PAX7: variants seen among roughly 807,000 people sequenced by gnomAD.
PAX7 encodes paired box 7, also known as paired box protein Pax-7.
Under a neutral mutation model 50.7 loss-of-function variants are expected in PAX7, and 18 were observed. The ratio of observed to expected loss-of-function variants is 0.36; its 90% CI spans 0.25 to 0.53. The LOEUF is 0.53. PAX7 is among the 20% of genes least tolerant of loss of function. PAX7 has a pLI of 0.93. For synonymous variants in PAX7, 310 were observed against 290.4 expected (o/e 1.07, Z -0.69); for missense variants, 644 against 702.9 (o/e 0.92, Z 0.95).
chr1:18,714,081 C>T (rs1380133697), intron 7 of PAX7, among the ~76,000 whole-genome samples: 2 of 152,154 alleles, frequency 1.3e-5, no homozygotes, highest in East Asian at 1.9e-4. Flanking sequence ...CATGGTGGTG[C>T]GTGCCTGTAG....
At chr1:18,714,459 C>T (rs921182970) in intron 7 of PAX7, among the ~76,000 whole-genome samples, 2 of 152,190 alleles carry the variant, frequency 1.3e-5, no homozygotes, top group South Asian at 2.1e-4. Context: ...TGCTTCTCCT[C>T]GCCCTGAACA....
At chr1:18,742,807 C>T (rs1931221790) in intron 8 of PAX7, among the ~76,000 whole-genome samples, 2 of 152,360 alleles carry the variant, frequency 1.3e-5, no homozygotes, top group African/African-American at 4.8e-5. Flanking sequence ...AGGGCATTTG[C>T]ACATCCCTTG....
In PAX7 at chr1:18,631,236, C is replaced by T. The variant is rs957604658; in HGVS notation, c.-368C>T. On this transcript the variant is annotated 5_prime_UTR_variant, in exon 1 of 9. Coordinates refer to ENST00000420770, the MANE Select transcript of PAX7 (RefSeq NM_001135254.2). ...CTCGATTCCGGCCGCGTTCCCCCGG[C>T]CCCCCTCCGCCGCGGGGCCTGGTCT... 21 of 248,536 alleles carry T rather than the reference C, an allele frequency of 8.4e-5. No homozygotes were observed. The Admixed American group carries it at 8.7e-4, about 10-fold the overall frequency. The allele number at this position is 248,536 out of a possible 1,614,324, so 15.4% of individuals were successfully genotyped here.
At chr1:18,669,047 G>T (rs373350470) in intron 4 of PAX7, among the ~76,000 whole-genome samples, 4 of 152,258 alleles carry the variant, frequency 2.6e-5, no homozygotes, top group Admixed American at 6.5e-5. Context: ...GGGCCCAGGA[G>T]GATGTGCTAA....
intron 5 of PAX7, among the ~76,000 whole-genome samples, chr1:18,699,850 T>C (rs577689946): frequency 6.6e-6 from 1 of 152,242 alleles, no homozygotes; most frequent in African/African-American, 2.4e-5. Flanking sequence ...TGTGAGCCGC[T>C]GCGCCCGGCC....
At chr1:18,638,179 C>T (rs537905601) in intron 4 of PAX7, among the ~76,000 whole-genome samples, 25 of 152,252 alleles carry the variant, frequency 1.6e-4, no homozygotes, top group Admixed American at 3.3e-4. Flanking sequence ...TGTGTTTGCA[C>T]GCAGGGAGTA....
intron 5 of PAX7, among the ~76,000 whole-genome samples, chr1:18,698,825 C>T (rs909725249): frequency 2.6e-5 from 4 of 152,222 alleles, no homozygotes; most frequent in Admixed American, 1.3e-4. Flanking sequence ...AGGTGAAAGC[C>T]GGCAGCTCTT....
chr1:18,697,399 T>C lies in PAX7; in HGVS notation c.787-3254T>C, dbSNP rs574567218. 1.6e-3 allele frequency among the ~76,000 whole-genome samples: 239 copies of C among 152,278 alleles called. 1 individual carries two copies. Among genetic ancestry groups the C allele is most frequent in the African/African-American group, 5.6e-3 (234 of 41,558 alleles). On this transcript the variant is annotated intron_variant, in intron 5 of 8. Transcript: ENST00000420770. ...GGCAGAGACCCTTCCAGCTCAGCTA[T>C]CTCAGAGGGTCTCCAGCAGAATGAT...
chr1:18,651,036 G>A (rs1174891645), intron 4 of PAX7, among the ~76,000 whole-genome samples: 5 of 152,148 alleles, frequency 3.3e-5, no homozygotes, highest in Middle Eastern at 3.4e-3. Flanking sequence ...TTCAGTGCAC[G>A]GAAGGACCCC....
rs757456623 is a variant in PAX7 at position 18,634,288 on chromosome 1, C to G, written c.86-15C>G. ...CTGCACCTCTCTCCTTCTGCATCTC[C>G]CCTCCCTTCTCCAGTGTCCACCCCG... On this transcript the variant is annotated splice_polypyrimidine_tract_variant and intron_variant, in intron 1 of 8. Transcript: ENST00000420770. The surrounding 1 kb of genome is among the most constrained non-coding windows in gnomAD (Gnocchi z 4.0). The G allele has an allele frequency of 1.1e-4, 172 of 1,605,378 alleles. 2 individuals carry two copies. The South Asian group carries it at 1.9e-3, about 17-fold the overall frequency.
intron 6 of PAX7, among the ~76,000 whole-genome samples, chr1:18,701,294 T>C (rs555165191): frequency 6.6e-6 from 1 of 152,082 alleles, no homozygotes; most frequent in East Asian, 1.9e-4. Flanking sequence ...AGTGAGAGAG[T>C]GACATGAGTA....
rs1417622879 is a variant in PAX7 at position 18,747,566 on chromosome 1, T to A, written c.*2637T>A. On this transcript the variant is annotated 3_prime_UTR_variant, in exon 9 of 9. Transcript: ENST00000420770. ...GAATGAGAGACACAAGGCCTCCATC[T>A]CTTTGGGGCTGACCACAGCCTGAGA... 2 of 212,584 alleles carry A rather than the reference T, an allele frequency of 9.4e-6. No homozygotes were observed. The highest frequency in any genetic ancestry group is 1.9e-5 in the Non-Finnish European group (2 of 104,960). The allele number at this position is 212,584 out of a possible 1,614,324, so 13.2% of individuals were successfully genotyped here.
chr1:18,637,196 T>C (rs914890111), intron 4 of PAX7, among the ~76,000 whole-genome samples: 5 of 152,120 alleles, frequency 3.3e-5, no homozygotes, highest in African/African-American at 1.2e-4. Context: ...GGAAAGGGGA[T>C]TGTGCTTTTG....
At chr1:18,706,833 T>C (rs16862193) in intron 7 of PAX7, among the ~76,000 whole-genome samples, 5,536 of 152,022 alleles carry the variant, frequency 0.036, 350 homozygotes, top group African/African-American at 0.13. Context: ...GAGGATGAAT[T>C]TGTGGCTCTA....
At chr1:18,635,312 G>A in intron 3 of PAX7, 72 bp downstream of exon 3, 1 of 1,539,970 alleles carries the variant, frequency 6.5e-7, no homozygotes, top group Non-Finnish European at 8.8e-7. Context: ...GGCTGGAGGT[G>A]GGAGAGAGGG....
chr1:18,705,508 C>T (rs575857557), intron 7 of PAX7, among the ~76,000 whole-genome samples: 8 of 152,256 alleles, frequency 5.3e-5, no homozygotes, highest in Admixed American at 4.6e-4. Flanking sequence ...GTTGACAATC[C>T]GGCGCACCTG....
intron 5 of PAX7, among the ~76,000 whole-genome samples, chr1:18,695,639 G>T (rs542644356): frequency 1.3e-5 from 2 of 152,302 alleles, no homozygotes; most frequent in Non-Finnish European, 2.9e-5. Context: ...ATGAAGGGCA[G>T]CCAAGGGGGT....
chr1:18,673,109 C>T lies in PAX7; in HGVS notation c.587-18645C>T, dbSNP rs114881305. Among the ~76,000 whole-genome samples the T allele has an allele frequency of 4.5e-3, 683 of 152,232 alleles. 3 individuals carry two copies. The highest frequency in any genetic ancestry group is 0.014 in the African/African-American group (593 of 41,540). ...GGTCTGTAGCGTGGGTTCCGACTCCCGATGGGCCTGGGTTCAAGTCCTGAC... is the reference window on the plus strand; with the variant it reads ...GGTCTGTAGCGTGGGTTCCGACTCCTGATGGGCCTGGGTTCAAGTCCTGAC... On this transcript the variant is annotated intron_variant, in intron 4 of 8. Coordinates refer to ENST00000420770, the MANE Select transcript of PAX7 (RefSeq NM_001135254.2).
chr1:18,654,059 C>T lies in PAX7; in HGVS notation c.586+17688C>T, dbSNP rs553007383. Among the ~76,000 whole-genome samples the T allele has an allele frequency of 5.9e-5, 9 of 152,152 alleles. No homozygotes were observed. The East Asian group carries it at 9.7e-4, about 16-fold the overall frequency. On this transcript the variant is annotated intron_variant, in intron 4 of 8. Transcript: ENST00000420770. ...AAATACGCCAAAGATGAACGCCGCC[C>T]GCAGCTGGCTGGCTGCAGCCCTGAA...
Sources: allele counts gnomAD v4.1 joint callset (sites outside exome capture counted in the v4.1 genomes callset), GRCh38; gene constraint gnomAD v4.1.1; non-coding constraint Gnocchi (gnomAD v3.1); transcripts MANE v1.5; gene names NCBI Gene and HGNC (gene_info 2026-07-23, HGNC 2026-07-21).